The following SCN10A variants were observed in gnomAD, a reference collection of about 807,000 sequenced individuals.
SCN10A encodes the protein sodium voltage-gated channel alpha subunit 10.
In SCN10A, 162 loss-of-function variants were observed where a neutral mutation model predicts 170.7. The ratio of observed to expected loss-of-function variants is 0.95; its 90% confidence interval spans 0.84 to 1.08. SCN10A has a LOEUF of 1.08. Ranked by LOEUF, SCN10A falls within the 50% of genes least tolerant of loss-of-function variation. The pLI is 0.00. For synonymous variants in SCN10A, 985 were observed against 904.6 expected (o/e 1.09, Z -1.59); for missense variants, 2,527 against 2,436.9 (o/e 1.04, Z -0.78).
intron 22 of SCN10A, 129 bp downstream of exon 22, chr3:38,713,829 T>C (rs769200257): frequency 1.9e-6 from 2 of 1,053,084 alleles, no homozygotes; most frequent in Non-Finnish European, 2.7e-6. Flanking sequence ...GGTTTCGGCA[T>C]GTTGGCCAGG....
At chr3:38,718,903 C>T (rs1575948852) in intron 20 of SCN10A, 77 bp from the exon 21 acceptor site, 4 of 1,387,700 alleles carry the variant, frequency 2.9e-6, no homozygotes, top group African/African-American at 1.4e-5. Flanking sequence ...AGGGAAGGAC[C>T]CAGCCAGCCC....
chr3:38,782,687 T>C (rs2064152970), intron 4 of SCN10A, among the ~76,000 whole-genome samples: 1 of 152,120 alleles, frequency 6.6e-6, no homozygotes, highest in Admixed American at 6.6e-5. Flanking sequence ...CAATATTAAA[T>C]ATAATTTCAT....
rs73825866 is a variant in SCN10A, at chr3:38,703,621, C to A, written c.4387-1512G>T. Among the ~76,000 whole-genome samples, 515 of 152,322 alleles carry A rather than the reference C, an allele frequency of 3.4e-3. 1 individual carries two copies. Among genetic ancestry groups the A allele is most frequent in the African/African-American group, 0.012 (481 of 41,570 alleles). On this transcript the variant is annotated intron_variant, in intron 26 of 27. Transcript: ENST00000449082. ...CCCTTCTACCTTGAAATGTTGCTTTCTTGGTCTCCACCATGCCTTACATTT... is the reference window on the plus strand; with the variant it reads ...CCCTTCTACCTTGAAATGTTGCTTTATTGGTCTCCACCATGCCTTACATTT...
At chr3:38,804,263 T>A (rs538788892) in intron 1 of SCN10A, among the ~76,000 whole-genome samples, 5 of 152,114 alleles carry the variant, frequency 3.3e-5, no homozygotes, top group Admixed American at 6.6e-5. Context: ...ATTCTCTTCA[T>A]GTTTATAATT....
chr3:38,698,503 T>G lies in SCN10A; in HGVS notation c.4717A>C (p.Arg1573=). 2 of 1,614,172 alleles carry G rather than the reference T, an allele frequency of 1.2e-6. No homozygotes were observed. Among genetic ancestry groups the G allele is most frequent in the Non-Finnish European group, 1.7e-6 (2 of 1,180,010 alleles). Residue 1573 remains arginine, a synonymous_variant, in exon 28 of 28, where the codon AGA becomes CGA. Transcript: ENST00000449082. ...CCAATTCGGGCCAGGCGGATGACTC[T>G]GAAGAGCGTTGGGGAGAAGTAACTT... is the stretch of plus-strand genomic sequence containing the variant. The part of the protein sequence containing the change: ...LQSYFSPTLF[R]VIRLARIGRI...
At chr3:38,777,544 C>A (rs1012260920) in intron 4 of SCN10A, among the ~76,000 whole-genome samples, 2 of 152,018 alleles carry the variant, frequency 1.3e-5, no homozygotes, top group African/African-American at 4.8e-5. Flanking sequence ...CAATTCAGTG[C>A]ATTACCAAAC....
At chr3:38,704,694 T>C (rs1265974750) in intron 26 of SCN10A, among the ~76,000 whole-genome samples, 1 of 152,222 alleles carries the variant, frequency 6.6e-6, no homozygotes, top group East Asian at 1.9e-4. Context: ...ACTTTTCCTA[T>C]GGAAGAAACA....
chr3:38,757,382 A>G (rs1197807617), intron 8 of SCN10A, among the ~76,000 whole-genome samples: 1 of 152,176 alleles, frequency 6.6e-6, no homozygotes, highest in Non-Finnish European at 1.5e-5. Flanking sequence ...TACACAGGGG[A>G]GTGGCCTGGG....
intron 15 of SCN10A, among the ~76,000 whole-genome samples, chr3:38,735,000 C>T (rs1217587325): frequency 6.6e-6 from 1 of 151,856 alleles, no homozygotes; most frequent in Non-Finnish European, 1.5e-5. Context: ...GAAACCCCGT[C>T]TCTACTAAAA....
chr3:38,734,263 C>T (rs568692918), intron 15 of SCN10A, among the ~76,000 whole-genome samples: 3 of 152,302 alleles, frequency 2.0e-5, no homozygotes, highest in African/African-American at 7.2e-5. Context: ...CTCAAGCAAT[C>T]CTCCCACCTT....
Position 38,718,670 on chromosome 3 carries a change from C to T in SCN10A, c.3664G>A (p.Asp1222Asn), listed in dbSNP as rs759804091. Reference sequence around the variant, plus strand: ...CCACTCACATTCACAATGAGGAAGTCCAGCCAGCACCAGGCATTGGTGAAG... The same window carrying T: ...CCACTCACATTCACAATGAGGAAGTTCAGCCAGCACCAGGCATTGGTGAAG... ...KYFTNAWCWL[D>N]FLIVNISLIS... The change falls in exon 21 of 28, where the codon GAC (aspartate) becomes AAC (asparagine). Residue 1222 changes from aspartate (D) to asparagine (N), a missense_variant. Asp to Asn is a conservative substitution (Grantham distance 23). Transcript: ENST00000449082. 1 of 1,614,172 alleles carries T rather than the reference C, an allele frequency of 6.2e-7. No individual in the cohort carries two copies. The highest frequency in any genetic ancestry group is 1.1e-5 in the South Asian group (1 of 91,072).
At chr3:38,778,609 A>G (rs547961099) in intron 4 of SCN10A, among the ~76,000 whole-genome samples, 24 of 152,114 alleles carry the variant, frequency 1.6e-4, no homozygotes, top group South Asian at 1.2e-3. Flanking sequence ...AAGATAAGGA[A>G]AAAGATTGTG....
chr3:38,704,551 G>A (rs78425552), intron 26 of SCN10A, among the ~76,000 whole-genome samples: 2 of 152,134 alleles, frequency 1.3e-5, no homozygotes, highest in African/African-American at 4.8e-5. Flanking sequence ...ACGATGAAGT[G>A]GGTGATTGAT....
chr3:38,737,205 T>C (rs181514587), intron 15 of SCN10A, among the ~76,000 whole-genome samples: 2,166 of 151,362 alleles, frequency 0.014, 66 homozygotes, highest in East Asian at 0.091. Context: ...CTCCTGACCT[T>C]GTGATCCGCC....
chr3:38,737,271 C>T (rs979605156), intron 15 of SCN10A, among the ~76,000 whole-genome samples: 1 of 151,958 alleles, frequency 6.6e-6, no homozygotes, highest in African/African-American at 2.4e-5. Context: ...CGCCCAGCCT[C>T]GTATTTTATT....
At chr3:38,733,649 G>A (rs999294635) in intron 15 of SCN10A, among the ~76,000 whole-genome samples, 2 of 152,062 alleles carry the variant, frequency 1.3e-5, no homozygotes, top group Non-Finnish European at 2.9e-5. Flanking sequence ...CCAAATAGCT[G>A]AGACTACAGA....
chr3:38,772,743 A>AAAAC (rs1559457371), intron 4 of SCN10A, among the ~76,000 whole-genome samples: 4 of 149,868 alleles, frequency 2.7e-5, no homozygotes, highest in African/African-American at 5.0e-5. Flanking sequence ...AAACAAAAAA[A>AAAAC]AAAAAACCTG....
intron 20 of SCN10A, 23 bp downstream of exon 20, chr3:38,722,235 G>A (rs761752275): frequency 1.9e-6 from 3 of 1,606,174 alleles, no homozygotes; most frequent in Non-Finnish European, 2.6e-6. Flanking sequence ...GGATTTGGGG[G>A]CAGGGACTAT....
chr3:38,739,046 T>C (rs1297581917), intron 15 of SCN10A, among the ~76,000 whole-genome samples: 1 of 152,124 alleles, frequency 6.6e-6, no homozygotes, highest in African/African-American at 2.4e-5. Context: ...ATTCGCTTGC[T>C]TGGCAGATGG....
Sources: allele counts gnomAD v4.1 joint callset (sites outside exome capture counted in the v4.1 genomes callset), GRCh38; gene constraint gnomAD v4.1.1; transcripts MANE v1.5; gene names NCBI Gene and HGNC (gene_info 2026-07-23, HGNC 2026-07-21).